The following STARD13 variants were observed in gnomAD, a reference collection of about 807,000 sequenced individuals.
STARD13 encodes StAR related lipid transfer domain containing 13, also known as stAR-related lipid transfer protein 13.
In STARD13, 62 loss-of-function variants were observed where a neutral mutation model predicts 106.4. That is an observed-to-expected ratio of 0.58 (90% CI 0.48 to 0.72). STARD13 has a LOEUF of 0.72. STARD13 is among the 30% of genes least tolerant of loss of function. The probability of loss-of-function intolerance (pLI) is 0.00; values close to 1 mark genes in which losing one functional copy is unlikely to be tolerated. For synonymous variants in STARD13, 565 were observed against 553.0 expected (o/e 1.02, Z -0.31); for missense variants, 1,387 against 1,424.0 (o/e 0.97, Z 0.42).
intron 5 of STARD13, among the ~76,000 whole-genome samples, chr13:33,127,990 AAG>A (rs1424749113): frequency 7.5e-6 from 1 of 132,800 alleles, no homozygotes; most frequent in African/African-American, 2.6e-5. Context: ...AGAGATAGAA[AAG>A]AGAGAGACAG....
the STARD13 span, among the ~76,000 whole-genome samples, chr13:33,642,213 G>A: frequency 6.6e-6 from 1 of 152,272 alleles, no homozygotes; most frequent in South Asian, 2.1e-4. Context: ...CAGTCTAGAG[G>A]GTAAAGCTTG....
the STARD13 span, among the ~76,000 whole-genome samples, chr13:33,473,392 G>T: frequency 6.6e-6 from 1 of 152,184 alleles, no homozygotes; most frequent in Non-Finnish European, 1.5e-5. Flanking sequence ...CACATTTGAA[G>T]CCATATATGT....
chr13:33,213,651 C>G (rs1044647918), intron 1 of STARD13, among the ~76,000 whole-genome samples: 3 of 152,184 alleles, frequency 2.0e-5, no homozygotes, highest in Admixed American at 2.0e-4. Context: ...CTGGGGCAAG[C>G]CAATTTCATG....
chr13:33,673,739 T>C, the STARD13 span, among the ~76,000 whole-genome samples: 1 of 151,662 alleles, frequency 6.6e-6, no homozygotes, highest in African/African-American at 2.4e-5. Flanking sequence ...GACAGGGTTT[T>C]GCCATGTTAG....
intron 7 of STARD13, among the ~76,000 whole-genome samples, chr13:33,121,554 C>T (rs932604870): frequency 6.8e-6 from 1 of 146,614 alleles, no homozygotes; most frequent in African/African-American, 2.5e-5. Flanking sequence ...GGCAACAGAG[C>T]CAGACTCCAC....
chr13:33,298,254 C>G (rs1892576332), intron 1 of STARD13, among the ~76,000 whole-genome samples: 1 of 151,574 alleles, frequency 6.6e-6, no homozygotes, highest in South Asian at 2.1e-4. Flanking sequence ...CTTAGCCTCC[C>G]AAGTAGCTGG....
At chr13:33,456,625 T>G in the STARD13 span, among the ~76,000 whole-genome samples, 29 of 152,204 alleles carry the variant, frequency 1.9e-4, no homozygotes, top group African/African-American at 6.5e-4. Flanking sequence ...TTTCTCCTTG[T>G]AAGTTTTCAT....
chr13:33,220,488 C>T (rs1412475352), intron 1 of STARD13, among the ~76,000 whole-genome samples: 1 of 151,856 alleles, frequency 6.6e-6, no homozygotes, highest in African/African-American at 2.4e-5. Flanking sequence ...GTCAGGAGTT[C>T]GAGACCAGCC....
chr13:33,345,491 T>C (rs74047819), downstream of STARD13, among the ~76,000 whole-genome samples: 26,214 of 152,116 alleles, frequency 0.17, 2,502 homozygotes, highest in African/African-American at 0.23. Flanking sequence ...GACCTGAATT[T>C]GAATCCTGCT....
chr13:33,366,067 A>G, the STARD13 span, among the ~76,000 whole-genome samples: 8 of 152,132 alleles, frequency 5.3e-5, no homozygotes, highest in East Asian at 1.2e-3. This position sits in a 1 kb window ranked among gnomAD's most constrained non-coding sequence, Gnocchi z 4.2. Flanking sequence ...TGATATATAT[A>G]TATCACTTTT....
At chr13:33,639,257 G>T in the STARD13 span, among the ~76,000 whole-genome samples, 1 of 152,166 alleles carries the variant, frequency 6.6e-6, no homozygotes, top group African/African-American at 2.4e-5. Context: ...AGAAGAATTA[G>T]GGTGGAATTC....
chr13:33,168,722 A>G (rs189804944), intron 1 of STARD13, among the ~76,000 whole-genome samples: 60 of 141,650 alleles, frequency 4.2e-4, no homozygotes, highest in Middle Eastern at 7.8e-3. Context: ...CTGCACAGAA[A>G]TGATCTACAC....
At chr13:33,556,264 T>C in the STARD13 span, among the ~76,000 whole-genome samples, 2 of 152,112 alleles carry the variant, frequency 1.3e-5, no homozygotes, top group South Asian at 4.1e-4. Context: ...CTCCCTTTTC[T>C]TTTCCTTTCT....
the STARD13 span, among the ~76,000 whole-genome samples, chr13:33,380,974 T>A: frequency 2.0e-5 from 3 of 152,252 alleles, no homozygotes; most frequent in East Asian, 3.9e-4. Flanking sequence ...GGCCCAGAAT[T>A]GTAGACATAA....
chr13:33,128,184 G>C (rs1050268586), intron 5 of STARD13, among the ~76,000 whole-genome samples: 1 of 152,020 alleles, frequency 6.6e-6, no homozygotes, highest in African/African-American at 2.4e-5. Context: ...GAAAGAGAGA[G>C]AGATACAGAC....
At chr13:33,134,867 C>T (rs1321329983) in intron 4 of STARD13, among the ~76,000 whole-genome samples, 1 of 152,186 alleles carries the variant, frequency 6.6e-6, no homozygotes, top group Non-Finnish European at 1.5e-5. Context: ...GAACATAGTT[C>T]AACAGCCCTT....
At chr13:33,663,132 G>A in the STARD13 span, among the ~76,000 whole-genome samples, 1,555 of 152,130 alleles carry the variant, frequency 0.01, 23 homozygotes, top group African/African-American at 0.034. Flanking sequence ...AGACTGGAGC[G>A]TAGTGTGCAG....
the STARD13 span, among the ~76,000 whole-genome samples, chr13:33,647,523 T>C: frequency 6.6e-6 from 1 of 152,210 alleles, no homozygotes; most frequent in Non-Finnish European, 1.5e-5. Context: ...CTGATTCATG[T>C]AGTTTGGCTC....
At chr13:33,339,357 G>A (rs1187285167) in intron 1 of STARD13, among the ~76,000 whole-genome samples, 1 of 152,142 alleles carries the variant, frequency 6.6e-6, no homozygotes, top group African/African-American at 2.4e-5. Flanking sequence ...CTACTACACA[G>A]CTATAGGTAC....
Sources: allele counts gnomAD v4.1 joint callset (sites outside exome capture counted in the v4.1 genomes callset), GRCh38; gene constraint gnomAD v4.1.1; non-coding constraint Gnocchi (gnomAD v3.1); transcripts MANE v1.5; gene names NCBI Gene and HGNC (gene_info 2026-07-23, HGNC 2026-07-21).